The following GPHN variants were observed in gnomAD, a reference collection of about 807,000 sequenced individuals.
The protein encoded by GPHN is gephyrin.
A neutral mutation model predicts 95.5 loss-of-function variants in GPHN; 17 were observed. That is an observed-to-expected ratio of 0.18 (90% confidence interval 0.12 to 0.27). The LOEUF (loss-of-function observed/expected upper bound fraction) is 0.27, where lower values mean the gene tolerates loss of function less well. Ranked by LOEUF, GPHN falls within the 10% of genes least tolerant of loss-of-function variation. The pLI, the probability that GPHN is intolerant of heterozygous loss-of-function variation, is 1.00. For synonymous variants in GPHN, 320 were observed against 322.5 expected, an observed-to-expected ratio of 0.99 and a Z score of 0.08; for missense variants, 660 against 978.1, an observed-to-expected ratio of 0.67 and a Z score of 4.34.
chr14:67,127,414 A>G (rs937282577), intron 17 of GPHN, among the ~76,000 whole-genome samples: 3 of 152,220 alleles, frequency 2.0e-5, no homozygotes, highest in Non-Finnish European at 4.4e-5. Context: ...ATTGACCTAG[A>G]TTTATCATAT....
chr14:67,381,812 T>A, the GPHN span: 1 of 633,714 alleles, frequency 1.6e-6, no homozygotes, highest in Non-Finnish European at 2.7e-6. Flanking sequence ...TTTTTACTCT[T>A]AAAATTGAGC....
the GPHN span, among the ~76,000 whole-genome samples, chr14:67,397,471 C>A: frequency 6.6e-6 from 1 of 152,238 alleles, no homozygotes; most frequent in South Asian, 2.1e-4. Flanking sequence ...AGATGAGGAA[C>A]GAAGGCTCAG....
At chr14:66,704,832 A>T in intron 2 of GPHN, among the ~76,000 whole-genome samples, 1 of 152,178 alleles carries the variant, frequency 6.6e-6, no homozygotes, top group East Asian at 1.9e-4. Flanking sequence ...ATTGAAGGAG[A>T]TAGAGACACA....
At chr14:66,734,193 C>G (rs575060316) in intron 2 of GPHN, among the ~76,000 whole-genome samples, 2 of 152,064 alleles carry the variant, frequency 1.3e-5, no homozygotes, top group Non-Finnish European at 2.9e-5. Context: ...TTCTTAAAAC[C>G]TTGGTGGCTC....
intron 1 of GPHN, among the ~76,000 whole-genome samples, chr14:66,582,447 A>T (rs1490291149): frequency 2.0e-5 from 3 of 151,934 alleles, no homozygotes; most frequent in Non-Finnish European, 4.4e-5. Flanking sequence ...GGTTTGTGAC[A>T]TATGTATACA....
At chr14:66,737,851 A>G (rs926305068) in intron 2 of GPHN, among the ~76,000 whole-genome samples, 1 of 152,238 alleles carries the variant, frequency 6.6e-6, no homozygotes, top group African/African-American at 2.4e-5. Context: ...AAGTGACCTT[A>G]ACTGAATATG....
chr14:67,496,124 AGCT>A, the GPHN span, among the ~76,000 whole-genome samples: 1 of 152,248 alleles, frequency 6.6e-6, no homozygotes, highest in Non-Finnish European at 1.5e-5. Flanking sequence ...AGGAGGGCAA[AGCT>A]GCAGTGAGCT....
intron 8 of GPHN, among the ~76,000 whole-genome samples, chr14:66,947,785 C>G (rs1265279501): frequency 6.6e-6 from 1 of 152,042 alleles, no homozygotes; most frequent in African/African-American, 2.4e-5. Flanking sequence ...TAGTGAAACC[C>G]TGTCTCTACA....
At chr14:67,089,115 ATTTTTTTTTCTTTTTTTCTTTTT>A (rs1309914391) in intron 12 of GPHN, 40 bp downstream of exon 12, 21 of 363,262 alleles carry the variant, frequency 5.8e-5, no homozygotes, top group African/African-American at 5.3e-4. Flanking sequence ...CAGGCACTGT[ATTTTTTTTTCTTTTTTTCTTTTT>A]TTTTTTTTTT....
chr14:67,516,868 G>A, the GPHN span, among the ~76,000 whole-genome samples: 1,813 of 152,284 alleles, frequency 0.012, 40 homozygotes, highest in African/African-American at 0.042. Context: ...AGTACAGGAG[G>A]TAGACAGCCA....
the GPHN span, among the ~76,000 whole-genome samples, chr14:67,218,048 C>T: frequency 6.6e-6 from 1 of 151,954 alleles, no homozygotes; most frequent in Non-Finnish European, 1.5e-5. Context: ...TTAGTGTTTG[C>T]AAGTTTCTCA....
chr14:67,473,971 G>A, the GPHN span: 1 of 1,540,248 alleles, frequency 6.5e-7, no homozygotes, highest in Non-Finnish European at 8.7e-7. This position sits in a 1 kb window ranked among gnomAD's most constrained non-coding sequence, Gnocchi z 6.5. Flanking sequence ...GACAGGTGAG[G>A]GCCGGGCGCG....
chr14:66,751,135 A>C (rs370892079), intron 2 of GPHN, among the ~76,000 whole-genome samples: 47 of 152,012 alleles, frequency 3.1e-4, no homozygotes, highest in Middle Eastern at 3.2e-3. Context: ...TGCTCTTGTG[A>C]ATGGTGCTGC....
chr14:67,717,542 T>C, the GPHN span, among the ~76,000 whole-genome samples: 3 of 152,348 alleles, frequency 2.0e-5, no homozygotes, highest in Non-Finnish European at 4.4e-5. Flanking sequence ...TCCTTTTCAA[T>C]ACTACATACA....
chr14:66,677,406 C>T (rs2153391209), intron 1 of GPHN, among the ~76,000 whole-genome samples: 1 of 151,922 alleles, frequency 6.6e-6, no homozygotes, highest in Non-Finnish European at 1.5e-5. Flanking sequence ...TGTAAACTTC[C>T]CTTTTAGTAC....
At chr14:67,435,523 G>A in the GPHN span, among the ~76,000 whole-genome samples, 1 of 152,248 alleles carries the variant, frequency 6.6e-6, no homozygotes, top group African/African-American at 2.4e-5. Context: ...CCACAACAGG[G>A]TATGGCGGCT....
At chr14:66,858,721 T>C (rs978528699) in intron 4 of GPHN, among the ~76,000 whole-genome samples, 11 of 152,038 alleles carry the variant, frequency 7.2e-5, no homozygotes, top group Non-Finnish European at 1.3e-4. Context: ...ATTTCAGGCC[T>C]TGGAGCTTGG....
At chr14:66,735,005 A>G (rs111442943) in intron 2 of GPHN, among the ~76,000 whole-genome samples, 2,972 of 152,330 alleles carry the variant, frequency 0.02, 45 homozygotes, top group African/African-American at 0.036. Context: ...AATGTTCAAC[A>G]TGAATTCTAA....
chr14:66,798,242 G>C (rs2060225322), intron 3 of GPHN, among the ~76,000 whole-genome samples: 1 of 151,776 alleles, frequency 6.6e-6, no homozygotes, highest in Non-Finnish European at 1.5e-5. Flanking sequence ...TCATTGAGGA[G>C]TTTTGCATCA....
Sources: gnomAD v4.1 joint callset for allele counts (sites outside exome capture counted in the v4.1 genomes callset) on GRCh38, gnomAD v4.1.1 for gene constraint, Gnocchi (gnomAD v3.1) non-coding constraint, MANE v1.5 for transcripts, NCBI Gene and HGNC (gene_info 2026-07-23, HGNC 2026-07-21) for gene names.